The following MYLK variants were observed in gnomAD, a reference collection of about 807,000 sequenced individuals.
MYLK encodes the protein myosin light chain kinase.
MYLK carries 106 observed loss-of-function variants against 203.4 expected under a neutral mutation model. The ratio of observed to expected loss-of-function variants is 0.52; its 90% CI spans 0.45 to 0.61. MYLK has a LOEUF of 0.61. MYLK is among the 20% of genes least tolerant of loss of function. MYLK has a pLI of 0.00. For missense variants in MYLK, 2,072 were observed against 2,442.3 expected, an observed-to-expected ratio of 0.85 and a Z score of 3.20; for synonymous variants, 867 against 959.5, an observed-to-expected ratio of 0.90 and a Z score of 1.78.
chr3:123,848,154 T>A (rs562034989), intron 2 of MYLK, among the ~76,000 whole-genome samples: 2 of 151,840 alleles, frequency 1.3e-5, no homozygotes, highest in African/African-American at 4.8e-5. Context: ...AATTTTAACA[T>A]AAAAATTTTC....
intron 2 of MYLK, among the ~76,000 whole-genome samples, chr3:123,863,825 T>C (rs1309964673): frequency 2.6e-5 from 4 of 152,198 alleles, no homozygotes; most frequent in African/African-American, 9.6e-5. Flanking sequence ...ACTCATCTTA[T>C]GACCTAGCAA....
intron 2 of MYLK, among the ~76,000 whole-genome samples, chr3:123,838,279 G>A (rs1050939803): frequency 6.6e-6 from 1 of 152,126 alleles, no homozygotes; most frequent in Non-Finnish European, 1.5e-5. Flanking sequence ...AAAGAACCCT[G>A]TCAATCTGGA....
intron 33 of MYLK, chr3:123,616,448 T>G (rs2057497630): frequency 6.6e-6 from 1 of 152,238 alleles, no homozygotes; most frequent in African/African-American, 2.4e-5. Context: ...AGTATATACA[T>G]GTACCCCGCT....
chr3:123,872,011 T>C (rs1203075023), intron 2 of MYLK, among the ~76,000 whole-genome samples: 2 of 151,854 alleles, frequency 1.3e-5, no homozygotes, highest in South Asian at 2.1e-4. Flanking sequence ...TAATTCCACA[T>C]ATCAATAGAC....
At chr3:123,784,644 T>C (rs1280346224) in intron 4 of MYLK, among the ~76,000 whole-genome samples, 1 of 152,246 alleles carries the variant, frequency 6.6e-6, no homozygotes, top group Non-Finnish European at 1.5e-5. Flanking sequence ...GACTTTTGTC[T>C]ATGGATTGAT....
chr3:123,744,205 G>A (rs1315495431), intron 5 of MYLK, among the ~76,000 whole-genome samples: 4 of 152,162 alleles, frequency 2.6e-5, no homozygotes, highest in Admixed American at 6.5e-5. Context: ...GATATAGAGC[G>A]AAAGTGAATT....
chr3:123,631,659 C>T (rs111457979), intron 29 of MYLK, among the ~76,000 whole-genome samples: 1 of 152,114 alleles, frequency 6.6e-6, no homozygotes, highest in African/African-American at 2.4e-5. Flanking sequence ...TGTGAATTGT[C>T]TCATCCTAAT....
chr3:123,624,099 T>G (rs1319365628), intron 31 of MYLK: 1 of 152,038 alleles, frequency 6.6e-6, no homozygotes, highest in Non-Finnish European at 1.5e-5. Flanking sequence ...CGCAGCAGCA[T>G]CGCTTGAGGC....
chr3:123,839,457 G>A (rs2066543594), intron 2 of MYLK, among the ~76,000 whole-genome samples: 1 of 152,090 alleles, frequency 6.6e-6, no homozygotes, highest in South Asian at 2.1e-4. Flanking sequence ...TATTACCAGG[G>A]ATAAAGAGAG....
In MYLK at chr3:123,838,492, G is replaced by A. The variant is rs973441581; in HGVS notation, c.-126-6822C>T. On this transcript the variant is annotated intron_variant, in intron 2 of 33. Transcript: ENST00000360304. ...ATCTCCAGAAATGGTTAAAATGAAG[G>A]TAAATATATAAGACATTTTTTAAAA... Among the ~76,000 whole-genome samples, 5 of 152,030 alleles carry A rather than the reference G, an allele frequency of 3.3e-5. No individual in the cohort carries two copies. The South Asian group carries it at 1.0e-3, about 32-fold the overall frequency.
In MYLK at chr3:123,612,302, A is replaced by AAAC; in HGVS notation, c.*1800_*1802dup. 1 of 152,686 alleles carries AAAC rather than the reference A, an allele frequency of 6.5e-6. No homozygotes were observed. 9.5% of individuals were successfully genotyped at this position (152,686 alleles called of 1,614,324 possible). ...AAAGAGAAGTCTGCAAAGATTGAACAAACAGCATGCACTGTGGTATCCTTT... is the reference window on the plus strand; with the variant it reads ...AAAGAGAAGTCTGCAAAGATTGAACAAACAACAGCATGCACTGTGGTATCCTTT... On this transcript the variant is annotated 3_prime_UTR_variant, in exon 34 of 34. Coordinates refer to ENST00000360304, the MANE Select transcript of MYLK (RefSeq NM_053025.4).
intron 19 of MYLK, among the ~76,000 whole-genome samples, chr3:123,682,966 C>G (rs977377788): frequency 6.6e-6 from 1 of 152,082 alleles, no homozygotes; most frequent in Non-Finnish European, 1.5e-5. Context: ...CTGGGCGGTG[C>G]CTGCCCTCAG....
intron 19 of MYLK, chr3:123,692,275 C>T (rs2060706341): frequency 1.1e-5 from 12 of 1,096,498 alleles, no homozygotes; most frequent in East Asian, 6.4e-5. Flanking sequence ...GACTCAGCCC[C>T]GACTCACCTC....
At chr3:123,764,352 C>T (rs1292112848) in intron 4 of MYLK, among the ~76,000 whole-genome samples, 1 of 152,050 alleles carries the variant, frequency 6.6e-6, no homozygotes, top group South Asian at 2.1e-4. Flanking sequence ...TGTGTCAGAC[C>T]TCATGGTAGA....
intron 16 of MYLK, among the ~76,000 whole-genome samples, chr3:123,704,992 T>G (rs2061404551): frequency 6.6e-6 from 1 of 152,152 alleles, no homozygotes; most frequent in South Asian, 2.1e-4. Flanking sequence ...CAGCTGGAAT[T>G]TTGAGCTGAC....
At chr3:123,736,342 C>T (rs2062672604) in intron 8 of MYLK, among the ~76,000 whole-genome samples, 1 of 152,048 alleles carries the variant, frequency 6.6e-6, no homozygotes, top group South Asian at 2.1e-4. Context: ...AAAGATGAAT[C>T]GTTTCTAAGA....
At chr3:123,844,815 C>T (rs2066673088) in intron 2 of MYLK, among the ~76,000 whole-genome samples, 1 of 126,286 alleles carries the variant, frequency 7.9e-6, no homozygotes, top group African/African-American at 3.1e-5. Context: ...AACTCTTCTC[C>T]TCAGTTGTTT....
intron 2 of MYLK, among the ~76,000 whole-genome samples, chr3:123,856,142 A>G (rs1330079950): frequency 2.0e-5 from 3 of 152,212 alleles, no homozygotes; most frequent in Non-Finnish European, 4.4e-5. Flanking sequence ...ATATAAAGGG[A>G]CAACACCTAG....
intron 2 of MYLK, among the ~76,000 whole-genome samples, chr3:123,845,106 T>C (rs2066682891): frequency 1.3e-5 from 2 of 152,192 alleles, no homozygotes; most frequent in Non-Finnish European, 2.9e-5. Flanking sequence ...AAGATAATTC[T>C]AGGAAGCAAA....
Sources: gnomAD v4.1 joint callset for allele counts (sites outside exome capture counted in the v4.1 genomes callset) on GRCh38, gnomAD v4.1.1 for gene constraint, MANE v1.5 for transcripts, NCBI Gene and HGNC (gene_info 2026-07-23, HGNC 2026-07-21) for gene names.